SLC26A5: variants seen among roughly 807,000 people sequenced by gnomAD.
SLC26A5 encodes the protein prestin.
Under a neutral mutation model 81.0 loss-of-function variants are expected in SLC26A5, and 51 were observed. That is an observed-to-expected ratio of 0.63 (90% CI 0.50 to 0.80). SLC26A5 has a LOEUF of 0.80. Ranked by LOEUF, SLC26A5 falls within the 30% of genes least tolerant of loss-of-function variation. The pLI is 0.00. For missense variants in SLC26A5, 771 were observed against 905.8 expected (o/e 0.85, Z 1.91); for synonymous variants, 325 against 332.8 (o/e 0.98, Z 0.25).
intron 2 of SLC26A5, among the ~76,000 whole-genome samples, chr7:103,436,895 G>A (rs1269753962): frequency 6.6e-6 from 1 of 152,162 alleles, no homozygotes; most frequent in East Asian, 1.9e-4. Flanking sequence ...ATGATTTTCT[G>A]GATATGGCTC....
chr7:103,371,513 G>C (rs530824037), downstream of SLC26A5, among the ~76,000 whole-genome samples: 140 of 151,118 alleles, frequency 9.3e-4, 1 homozygote, highest in African/African-American at 3.0e-3. Context: ...TTTTAGCAGA[G>C]ACGGGGTTTC....
intron 10 of SLC26A5, among the ~76,000 whole-genome samples, chr7:103,392,106 C>T (rs1468149877): frequency 2.0e-5 from 3 of 152,142 alleles, no homozygotes; most frequent in Admixed American, 6.5e-5. Context: ...AATGCCTGGG[C>T]TATTGCTCAC....
chr7:103,413,612 C>T (rs1190260940), intron 4 of SLC26A5, among the ~76,000 whole-genome samples: 1 of 152,082 alleles, frequency 6.6e-6, no homozygotes, highest in East Asian at 1.9e-4. Context: ...GTATGCTCAT[C>T]CTGTAGGCAG....
At chr7:103,372,588 T>A (rs989891757), downstream of SLC26A5, among the ~76,000 whole-genome samples, 1 of 152,226 alleles carries the variant, frequency 6.6e-6, no homozygotes, top group African/African-American at 2.4e-5. Context: ...TTCTGTGGAA[T>A]GAGTAAGATG....
At chr7:103,403,556 G>C (rs1327498763) in intron 8 of SLC26A5, among the ~76,000 whole-genome samples, 1 of 152,142 alleles carries the variant, frequency 6.6e-6, no homozygotes, top group Non-Finnish European at 1.5e-5. Flanking sequence ...GGGTGCTCCT[G>C]TATTGGGTGC....
At chr7:103,406,551 C>T (rs934654464) in intron 8 of SLC26A5, among the ~76,000 whole-genome samples, 8 of 152,126 alleles carry the variant, frequency 5.3e-5, no homozygotes, top group African/African-American at 1.9e-4. Context: ...CCGGATTCCT[C>T]AGGTGGAAAT....
intron 19 of SLC26A5, among the ~76,000 whole-genome samples, chr7:103,359,058 G>T (rs577319984): frequency 6.9e-6 from 1 of 144,874 alleles, no homozygotes; most frequent in African/African-American, 2.6e-5. Flanking sequence ...ATCTCAGCTC[G>T]CTGCAGCCTC....
intron 9 of SLC26A5, among the ~76,000 whole-genome samples, chr7:103,394,662 C>A (rs886250001): frequency 6.6e-6 from 1 of 152,184 alleles, no homozygotes. Context: ...ACAGCAGATG[C>A]ATTTATATGT....
intron 9 of SLC26A5, among the ~76,000 whole-genome samples, chr7:103,393,731 G>A (rs1278887236): frequency 6.6e-6 from 1 of 152,044 alleles, no homozygotes; most frequent in East Asian, 1.9e-4. Flanking sequence ...GGAGAACCCA[G>A]CTTTTGTGGT....
chr7:103,402,535 G>A (rs1463540806), intron 8 of SLC26A5, among the ~76,000 whole-genome samples: 2 of 151,860 alleles, frequency 1.3e-5, no homozygotes, highest in Non-Finnish European at 2.9e-5. Context: ...AAGTAGCTGG[G>A]ACTACAGGCA....
chr7:103,442,187 G>T (rs1380754882), intron 2 of SLC26A5, among the ~76,000 whole-genome samples: 18 of 151,936 alleles, frequency 1.2e-4, no homozygotes, highest in Non-Finnish European at 1.6e-4. Context: ...TGTTGCCCAG[G>T]CTGGAGTATA....
Position 103,361,835 on chromosome 7 carries a change from T to TC in SLC26A5, c.2042-8910dup, listed in dbSNP as rs1820432663. 4 of 916,580 alleles carry TC rather than the reference T, an allele frequency of 4.4e-6. No homozygotes were observed. In the African/African-American group the frequency reaches 5.2e-5, roughly 12 times the overall value. The allele number at this position is 916,580 out of a possible 1,614,324, so 56.8% of individuals were successfully genotyped here. The stretch of plus-strand genomic sequence containing the variant: ...GTATAGAAAAGGATCTTTAACAGTG[T>TC]CCCAGTTTCTGTAGTTCTAGTTTAT... On this transcript the variant is annotated intron_variant, in intron 19 of 19. Transcript: ENST00000339444.
At chr7:103,420,128 T>C (rs186561050) in intron 4 of SLC26A5, among the ~76,000 whole-genome samples, 170 of 152,244 alleles carry the variant, frequency 1.1e-3, no homozygotes, top group African/African-American at 3.8e-3. Flanking sequence ...TCATGGTCCC[T>C]TGTAATTAGA....
chr7:103,364,635 TG>T (rs1017475844), intron 19 of SLC26A5, among the ~76,000 whole-genome samples: 35 of 152,268 alleles, frequency 2.3e-4, no homozygotes, highest in African/African-American at 7.9e-4. Flanking sequence ...CTCAAACTCC[TG>T]GGCTCAAGTG....
intron 14 of SLC26A5, among the ~76,000 whole-genome samples, chr7:103,382,256 G>A (rs1325826920): frequency 2.6e-5 from 4 of 151,908 alleles, no homozygotes; most frequent in African/African-American, 9.7e-5. Context: ...TGAGGGCGTG[G>A]GGAGAAAATG....
At chr7:103,387,848 A>AT (rs1164861406) in intron 14 of SLC26A5, among the ~76,000 whole-genome samples, 3 of 151,750 alleles carry the variant, frequency 2.0e-5, no homozygotes, top group South Asian at 2.1e-4. Flanking sequence ...TGCCCAGCTA[A>AT]TTTTTTTGTA....
At chr7:103,439,920 G>A (rs1466329738) in intron 2 of SLC26A5, among the ~76,000 whole-genome samples, 2 of 152,142 alleles carry the variant, frequency 1.3e-5, no homozygotes, top group Non-Finnish European at 2.9e-5. Context: ...AGATAGACTC[G>A]TAACTTCCTC....
chr7:103,367,277 C>CA lies in SLC26A5; in HGVS notation c.2041+9530dup. On this transcript the variant is annotated intron_variant, in intron 19 of 19. Transcript: ENST00000339444. The surrounding 1 kb of genome is among the most constrained non-coding windows in gnomAD (Gnocchi z 6.1). Reference sequence around the variant, plus strand: ...TTTTATATAAAGCAAGCTGTTCTTACAGGATTTGCTTCAAAGTGGGATGTC... The same window carrying CA: ...TTTTATATAAAGCAAGCTGTTCTTACAAGGATTTGCTTCAAAGTGGGATGTC... The CA allele has an allele frequency of 1.5e-6, 1 of 682,190 alleles. No individual in the cohort carries two copies. The allele number at this position is 682,190 out of a possible 1,614,324, so 42.3% of individuals were successfully genotyped here.
intron 2 of SLC26A5, among the ~76,000 whole-genome samples, chr7:103,425,930 T>C (rs994401863): frequency 1.3e-5 from 2 of 152,054 alleles, no homozygotes; most frequent in African/African-American, 4.8e-5. Context: ...TTCTATTGTA[T>C]AGCAAAGGCT....
Sources: gnomAD v4.1 joint callset for allele counts (sites outside exome capture counted in the v4.1 genomes callset) on GRCh38, gnomAD v4.1.1 for gene constraint, Gnocchi (gnomAD v3.1) non-coding constraint, MANE v1.5 for transcripts, NCBI Gene and HGNC (gene_info 2026-07-23, HGNC 2026-07-21) for gene names.